The following KCNT2 variants were observed in gnomAD, a reference collection of about 807,000 sequenced individuals.
KCNT2 encodes the protein potassium sodium-activated channel subfamily T member 2, also known as potassium channel subfamily T member 2.
KCNT2 carries 67 observed loss-of-function variants against 153.8 expected under a neutral mutation model. That is an observed-to-expected ratio of 0.44 (90% CI 0.36 to 0.53). The LOEUF is 0.53. Ranked by LOEUF, KCNT2 falls within the 20% of genes least tolerant of loss-of-function variation. The pLI is 0.00. For synonymous variants in KCNT2, 500 were observed against 458.8 expected, an observed-to-expected ratio of 1.09 and a Z score of -1.15; for missense variants, 975 against 1,354.8, an observed-to-expected ratio of 0.72 and a Z score of 4.40.
chr1:196,537,556 C>G (rs1655752160), intron 1 of KCNT2, among the ~76,000 whole-genome samples: 1 of 152,160 alleles, frequency 6.6e-6, no homozygotes, highest in African/African-American at 2.4e-5. Flanking sequence ...GTTGTGGTGT[C>G]TCCCCACGCC....
rs1668675357 is a variant in KCNT2 at position 196,373,170 on chromosome 1, A to G, written c.1373T>C (p.Ile458Thr). Reference sequence around the variant, plus strand: ...TCTAGAGGTATGAACCAGTAGTGTAATAAGTGTAGATGTTGCTGGGCATAT... The same window carrying G: ...TCTAGAGGTATGAACCAGTAGTGTAGTAAGTGTAGATGTTGCTGGGCATAT... Reference protein sequence around the residue: ...NCICPATSTLITLLVHTSRGQ... With the variant: ...NCICPATSTLTTLLVHTSRGQ... Residue 458 changes from isoleucine (I) to threonine (T), a missense_variant, in exon 14 of 28, where the codon ATT (isoleucine) becomes ACT (threonine). Around this residue, in one of 6 missense-constraint regions of KCNT2, gnomAD observed 202 missense variants for 314.9 expected, o/e 0.64. Coordinates refer to ENST00000294725, the MANE Select transcript of KCNT2 (RefSeq NM_198503.5). 7.6e-6 allele frequency: 12 copies of G among 1,572,566 alleles called. No individual in the cohort carries two copies. Among genetic ancestry groups the G allele is most frequent in the Non-Finnish European group, 1.0e-5 (12 of 1,143,388 alleles).
intron 8 of KCNT2, among the ~76,000 whole-genome samples, chr1:196,440,735 A>G (rs1477735455): frequency 2.6e-5 from 4 of 151,884 alleles, no homozygotes; most frequent in Non-Finnish European, 4.4e-5. Flanking sequence ...ATCAAAATAT[A>G]TAACTTAAAA....
At chr1:196,507,752 A>C (rs1445939310) in intron 1 of KCNT2, among the ~76,000 whole-genome samples, 1 of 152,150 alleles carries the variant, frequency 6.6e-6, no homozygotes, top group Non-Finnish European at 1.5e-5. Flanking sequence ...TCAAATTAGT[A>C]AGAATTTCTT....
At chr1:196,473,028 C>A (rs1423325419) in intron 5 of KCNT2, among the ~76,000 whole-genome samples, 2 of 152,188 alleles carry the variant, frequency 1.3e-5, no homozygotes, top group East Asian at 1.9e-4. Context: ...CTTCTCCAAC[C>A]TTATTTTAAA....
intron 26 of KCNT2, among the ~76,000 whole-genome samples, chr1:196,248,827 C>A (rs1208385174): frequency 6.6e-6 from 1 of 152,000 alleles, no homozygotes; most frequent in Admixed American, 6.6e-5. Flanking sequence ...ATACAAAAAC[C>A]AAATAAAGAT....
intron 13 of KCNT2, among the ~76,000 whole-genome samples, chr1:196,388,734 G>A (rs1572267307): frequency 6.6e-6 from 1 of 151,654 alleles, no homozygotes; most frequent in African/African-American, 2.4e-5. Context: ...GTATAAGGAA[G>A]ATCATTTTGA....
intron 1 of KCNT2, among the ~76,000 whole-genome samples, chr1:196,505,597 G>T (rs1242227928): frequency 6.6e-6 from 1 of 152,128 alleles, no homozygotes; most frequent in Non-Finnish European, 1.5e-5. Context: ...GAATTTTAAG[G>T]TAGTTTCTTC....
In KCNT2 at chr1:196,228,205, GT is replaced by G. The variant is rs758124220; in HGVS notation, c.*18del. 6.7e-7 allele frequency: 1 copy of G among 1,496,968 alleles called. No homozygotes were observed. Among genetic ancestry groups the G allele is most frequent in the South Asian group, 1.2e-5 (1 of 86,458 alleles). The allele number at this position is 1,496,968 out of a possible 1,614,324, so 92.7% of individuals were successfully genotyped here. On this transcript the variant is annotated 3_prime_UTR_variant, in exon 28 of 28. Transcript: ENST00000294725. ...CAAGCAAGGTCTTTGTAGGAAAAAA[GT>G]TTCTCATTTTATTTTTATCAAAGTT...
At position 196,235,973 on chromosome 1, in the gene KCNT2, G is replaced by A; in HGVS notation, c.3296+13C>T. 6.7e-7 allele frequency: 1 copy of A among 1,491,712 alleles called. No homozygotes were observed. The highest frequency in any genetic ancestry group is 9.3e-7 in the Non-Finnish European group (1 of 1,071,778). 92.4% of individuals were successfully genotyped at this position (1,491,712 alleles called of 1,614,324 possible). A position where few individuals can be genotyped will look rare whatever the true frequency, so the allele number is the denominator to read the frequency against. On this transcript the variant is annotated intron_variant, in intron 27 of 27. Coordinates refer to ENST00000294725, the MANE Select transcript of KCNT2 (RefSeq NM_198503.5). Reference sequence around the variant, plus strand: ...AAAATATCTGTCTTATATGAGATATGAGATCAACTTACACAACATCATTCA... The same window carrying A: ...AAAATATCTGTCTTATATGAGATATAAGATCAACTTACACAACATCATTCA...
chr1:196,413,789 A>G (rs955092460), intron 12 of KCNT2, among the ~76,000 whole-genome samples: 1 of 151,642 alleles, frequency 6.6e-6, no homozygotes, highest in Non-Finnish European at 1.5e-5. Flanking sequence ...TTTTATATAG[A>G]CACACATTTA....
chr1:196,390,063 T>C (rs1029776136), intron 13 of KCNT2, among the ~76,000 whole-genome samples: 1 of 151,608 alleles, frequency 6.6e-6, no homozygotes, highest in Non-Finnish European at 1.5e-5. Context: ...TTTTTAGATT[T>C]CTGGTGCTCT....
intron 1 of KCNT2, among the ~76,000 whole-genome samples, chr1:196,546,180 T>C (rs369063642): frequency 6.6e-6 from 1 of 152,108 alleles, no homozygotes; most frequent in South Asian, 2.1e-4. Context: ...ACAACGTTTG[T>C]CTATTCCATC....
At chr1:196,587,745 G>A (rs906538506) in intron 1 of KCNT2, among the ~76,000 whole-genome samples, 1 of 151,922 alleles carries the variant, frequency 6.6e-6, no homozygotes, top group Non-Finnish European at 1.5e-5. Flanking sequence ...AACCCATAGA[G>A]TATGTAACCC....
chr1:196,282,140 A>C (rs1276321718), intron 24 of KCNT2, 133 bp downstream of exon 24: 2 of 480,024 alleles, frequency 4.2e-6, no homozygotes, highest in South Asian at 1.0e-4. Flanking sequence ...AAGGAATTTT[A>C]AAAACTCAAA....
chr1:196,370,963 G>T (rs572513780), intron 14 of KCNT2, among the ~76,000 whole-genome samples: 2 of 152,090 alleles, frequency 1.3e-5, no homozygotes, highest in Admixed American at 1.3e-4. Flanking sequence ...TACACTAGAA[G>T]CCCAATCTCT....
Position 196,305,239 on chromosome 1 carries a change from C to G in KCNT2, c.2590G>C (p.Glu864Gln), listed in dbSNP as rs759888562. ...TTGATAATGTGGGGTCTTACCTTTT[C>G]CAGTTTTGAAAGAGCAAGAGAGTAA... Reference protein sequence around the residue: ...DCYSLALSKLEKKERERGSNL... With the variant: ...DCYSLALSKLQKKERERGSNL... The change falls in exon 22 of 28, where the codon GAA (glutamate) becomes CAA (glutamine). Residue 864 changes from glutamate to glutamine, a missense_variant. By Grantham distance (29) the Glu-to-Gln change is conservative (BLOSUM62 2). This residue lies in a region of KCNT2 where 66 missense variants were observed against 147.9 expected (regional missense o/e 0.45). Coordinates refer to ENST00000294725, the MANE Select transcript of KCNT2 (RefSeq NM_198503.5). 31 of 1,590,562 alleles carry G rather than the reference C, an allele frequency of 1.9e-5. No individual in the cohort carries two copies. The highest frequency in any genetic ancestry group is 2.7e-5 in the Non-Finnish European group (31 of 1,159,324).
At chr1:196,332,464 C>A (rs1297672850) in intron 17 of KCNT2, among the ~76,000 whole-genome samples, 2 of 152,040 alleles carry the variant, frequency 1.3e-5, no homozygotes, top group African/African-American at 4.8e-5. Context: ...GGTACACCAA[C>A]CTTTCTTACA....
chr1:196,599,832 G>A (rs1222141638), intron 1 of KCNT2, among the ~76,000 whole-genome samples: 1 of 152,132 alleles, frequency 6.6e-6, no homozygotes, highest in Admixed American at 6.6e-5. Context: ...CTCTTTTGCT[G>A]ATTATCTTCT....
chr1:196,420,202 CTGAG>C (rs1278451152), intron 12 of KCNT2, among the ~76,000 whole-genome samples: 1 of 151,782 alleles, frequency 6.6e-6, no homozygotes, highest in African/African-American at 2.4e-5. Context: ...TTCAGGTTCA[CTGAG>C]TGTCTTGTTT....
Sources: allele counts gnomAD v4.1 joint callset (sites outside exome capture counted in the v4.1 genomes callset), GRCh38; gene constraint gnomAD v4.1.1; regional missense constraint gnomAD v4.1.1; transcripts MANE v1.5; gene names NCBI Gene and HGNC (gene_info 2026-07-23, HGNC 2026-07-21).